Variants in DDX19A observed in about 807,000 individuals in gnomAD.
DDX19A encodes the protein ATP-dependent RNA helicase DDX19A.
A neutral mutation model predicts 60.6 loss-of-function variants in DDX19A; 12 were observed. The ratio of observed to expected loss-of-function variants is 0.20; its 90% CI spans 0.13 to 0.32. The LOEUF is 0.32. Ranked by LOEUF, DDX19A falls within the 10% of genes least tolerant of loss-of-function variation. The pLI is 1.00. For missense variants in DDX19A, 337 were observed against 600.6 expected (o/e 0.56, Z 4.59); for synonymous variants, 206 against 218.2 (o/e 0.94, Z 0.49).
intron 4 of DDX19A, among the ~76,000 whole-genome samples, chr16:70,357,127 G>A (rs1964218612): frequency 6.6e-6 from 1 of 150,870 alleles, no homozygotes; most frequent in South Asian, 2.1e-4. Flanking sequence ...GATATCACAG[G>A]CCTGTAATCT....
At chr16:70,368,846 A>G (rs1964595158) in intron 9 of DDX19A, among the ~76,000 whole-genome samples, 2 of 152,062 alleles carry the variant, frequency 1.3e-5, no homozygotes, top group African/African-American at 2.4e-5. Context: ...TCTCATTACA[A>G]TGACATCTTG....
intron 1 of DDX19A, 124 bp downstream of exon 1, chr16:70,347,172 C>A: frequency 3.3e-6 from 3 of 903,496 alleles, no homozygotes; most frequent in South Asian, 1.4e-5. Flanking sequence ...TTTGCTAGGG[C>A]AGTCACTTGC....
At chr16:70,366,882 C>A (rs1432927882) in intron 9 of DDX19A, 21 bp downstream of exon 9, 2 of 1,613,652 alleles carry the variant, frequency 1.2e-6, no homozygotes, top group Non-Finnish European at 1.7e-6. Context: ...GCGGCAGTGG[C>A]AGGCCTGGCC....
At chr16:70,358,234 T>C (rs1964271014) in intron 4 of DDX19A, among the ~76,000 whole-genome samples, 1 of 152,152 alleles carries the variant, frequency 6.6e-6, no homozygotes. Context: ...TTTCATCATG[T>C]TGGCCAGGCT....
At chr16:70,369,296 C>T (rs987773684) in intron 9 of DDX19A, among the ~76,000 whole-genome samples, 2 of 150,786 alleles carry the variant, frequency 1.3e-5, no homozygotes, top group African/African-American at 2.4e-5. Flanking sequence ...TCTCCTCCCT[C>T]GGCTTCCTGA....
rs1348484939 is a variant in DDX19A at position 70,372,187 on chromosome 16, T to C, written c.*201T>C. On this transcript the variant is annotated 3_prime_UTR_variant, in exon 12 of 12. Coordinates refer to ENST00000302243, the MANE Select transcript of DDX19A (RefSeq NM_018332.5). ...GCAATAGAAGAAAAAATTTGCATTT[T>C]GGAAAATTGGGTCCTTTCCCCACTT... The C allele has an allele frequency of 1.1e-5, 9 of 813,792 alleles. No individual in the cohort carries two copies. The highest frequency in any genetic ancestry group is 8.7e-5 in the Admixed American group (3 of 34,396). 50.4% of individuals were successfully genotyped at this position (813,792 alleles called of 1,614,324 possible). A position where few individuals can be genotyped will look rare whatever the true frequency, so the allele number is the denominator to read the frequency against.
chr16:70,365,325 G>A (rs1964487914), intron 7 of DDX19A, 194 bp downstream of exon 7: 4 of 410,638 alleles, frequency 9.7e-6, no homozygotes, highest in African/African-American at 4.1e-5. Context: ...TAAGATTTTC[G>A]GTTGATTAAA....
At chr16:70,368,583 C>CCT (rs1224194166) in intron 9 of DDX19A, among the ~76,000 whole-genome samples, 2 of 141,136 alleles carry the variant, frequency 1.4e-5, no homozygotes, top group African/African-American at 5.2e-5. Context: ...AAAAAATACT[C>CCT]TTTTTTTTTT....
chr16:70,355,247 C>T (rs1246429816), intron 2 of DDX19A, among the ~76,000 whole-genome samples: 1 of 152,030 alleles, frequency 6.6e-6, no homozygotes, highest in Admixed American at 6.6e-5. Flanking sequence ...CATGGTGGTG[C>T]GTGCCTAATC....
At chr16:70,364,972 A>G in intron 6 of DDX19A, 45 bp from the exon 7 acceptor site, 1 of 1,527,312 alleles carries the variant, frequency 6.5e-7, no homozygotes, top group Non-Finnish European at 9.1e-7. Context: ...CAGGTCTGTT[A>G]CCAAATGGCT....
In DDX19A at chr16:70,364,900, A is replaced by T. The variant is rs964672587; in HGVS notation, c.490-117A>T. On this transcript the variant is annotated intron_variant, in intron 6 of 11. Transcript: ENST00000302243. The stretch of plus-strand genomic sequence containing the variant: ...GTCTATGGCTGAAAGGTGGGCCTGG[A>T]TGGGAGGACATGCTTCCCTGTGCTA... 2.5e-5 allele frequency: 20 copies of T among 813,014 alleles called. No individual in the cohort carries two copies. In the East Asian group the frequency reaches 4.8e-4, roughly 19 times the overall value. 50.4% of individuals were successfully genotyped at this position (813,014 alleles called of 1,614,324 possible).
chr16:70,355,462 A>G, intron 2 of DDX19A, 23 bp from the exon 3 acceptor site: 1 of 1,593,092 alleles, frequency 6.3e-7, no homozygotes, highest in Non-Finnish European at 8.6e-7. Flanking sequence ...CTTTCTAATT[A>G]TGACAATTGT....
intron 9 of DDX19A, among the ~76,000 whole-genome samples, chr16:70,368,425 A>T (rs1597541373): frequency 1.3e-5 from 2 of 151,996 alleles, no homozygotes; most frequent in South Asian, 4.2e-4. Context: ...AGCGCCCGCC[A>T]TCATGCCCAG....
intron 5 of DDX19A, among the ~76,000 whole-genome samples, chr16:70,362,046 G>C (rs985087300): frequency 6.6e-6 from 1 of 151,770 alleles, no homozygotes; most frequent in Non-Finnish European, 1.5e-5. Flanking sequence ...CTGTTGGCAT[G>C]TGCCTGTAGT....
chr16:70,354,808 G>T (rs149219438), intron 2 of DDX19A, among the ~76,000 whole-genome samples: 13 of 152,204 alleles, frequency 8.5e-5, no homozygotes, highest in African/African-American at 2.6e-4. Flanking sequence ...AATTAGCTGG[G>T]AATAGTGGTG....
intron 5 of DDX19A, among the ~76,000 whole-genome samples, chr16:70,362,689 C>T (rs1164923362): frequency 6.6e-6 from 1 of 152,040 alleles, no homozygotes; most frequent in Non-Finnish European, 1.5e-5. Flanking sequence ...TTAATCCTCT[C>T]ACCTCAGCCT....
chr16:70,372,764 C>A lies in DDX19A; in HGVS notation c.*778C>A, dbSNP rs2047296786. Reference sequence around the variant, plus strand: ...GGCCCCTGGTACTCAGTCACGGCAGCCAGGAGACCCCAGGTGAGTTTCTGA... The same window carrying A: ...GGCCCCTGGTACTCAGTCACGGCAGACAGGAGACCCCAGGTGAGTTTCTGA... On this transcript the variant is annotated 3_prime_UTR_variant, in exon 12 of 12. Transcript: ENST00000302243. 1 of 152,274 alleles carries A rather than the reference C, an allele frequency of 6.6e-6. No individual in the cohort carries two copies. The highest frequency in any genetic ancestry group is 6.6e-5 in the Admixed American group (1 of 15,260). The allele number at this position is 152,274 out of a possible 1,614,324, so 9.4% of individuals were successfully genotyped here.
intron 5 of DDX19A, among the ~76,000 whole-genome samples, chr16:70,362,947 G>C (rs1964412565): frequency 6.6e-6 from 1 of 150,538 alleles, no homozygotes; most frequent in Non-Finnish European, 1.5e-5. Context: ...CCAGGAAACA[G>C]AGGTTGCAAT....
Position 70,355,222 on chromosome 16 carries a change from C to A in DDX19A, c.107-263C>A, listed in dbSNP as rs372786463. Among the ~76,000 whole-genome samples, 3 of 152,122 alleles carry A rather than the reference C, an allele frequency of 2.0e-5. No homozygotes were observed. The East Asian group carries it at 5.8e-4, about 30-fold the overall frequency. ...TGAAACCCCGTCTCTACTAAAATTA[C>A]ATAAATTAGCCAGGCATGGTGGTGC... is the stretch of plus-strand genomic sequence containing the variant. On this transcript the variant is annotated intron_variant, in intron 2 of 11. Coordinates refer to ENST00000302243, the MANE Select transcript of DDX19A (RefSeq NM_018332.5).
Sources: gnomAD v4.1 joint callset for allele counts (sites outside exome capture counted in the v4.1 genomes callset) on GRCh38, gnomAD v4.1.1 for gene constraint, MANE v1.5 for transcripts, NCBI Gene and HGNC (gene_info 2026-07-23, HGNC 2026-07-21) for gene names.